GABRR3: variants seen among roughly 807,000 people sequenced by gnomAD.
The protein encoded by GABRR3 is gamma-aminobutyric acid type A receptor subunit rho3.
GABRR3 carries 29 observed loss-of-function variants against 43.2 expected under a neutral mutation model. The observed-to-expected ratio is 0.67, with a 90% confidence interval of 0.50 to 0.92. The LOEUF is 0.92. GABRR3 is among the 40% of genes least tolerant of loss of function. The pLI is 0.00. For synonymous variants in GABRR3, 206 were observed against 195.9 expected, an observed-to-expected ratio of 1.05 and a Z score of -0.43; for missense variants, 576 against 572.3, an observed-to-expected ratio of 1.01 and a Z score of -0.07.
chr3:98,009,594 C>T (rs1366046355), intron 5 of GABRR3, among the ~76,000 whole-genome samples: 2 of 152,210 alleles, frequency 1.3e-5, no homozygotes, highest in Non-Finnish European at 2.9e-5. Context: ...GGCTTGCATA[C>T]TGATGAGAAC....
At chr3:97,988,897 T>C in intron 9 of GABRR3, among the ~76,000 whole-genome samples, 1 of 142,380 alleles carries the variant, frequency 7.0e-6, no homozygotes, top group Non-Finnish European at 1.5e-5. Context: ...TGGTGGATAG[T>C]GGTGGTGGGT....
At chr3:98,008,921 G>T in intron 6 of GABRR3, 35 bp downstream of exon 6, 2 of 1,258,138 alleles carry the variant, frequency 1.6e-6, no homozygotes, top group Non-Finnish European at 2.3e-6. Context: ...GTGTTCAAAT[G>T]ATGTGCACTC....
Position 98,025,564 on chromosome 3 carries a change from C to T in GABRR3, c.238+3G>A. ...AAATGAATTTTGAGAGGATAATACT[C>T]ACCTCCAAATCCAGGTCTCATTGCG... On this transcript the variant is annotated splice_donor_region_variant and intron_variant, in intron 3 of 9. Coordinates refer to ENST00000621172, the Ensembl canonical transcript of GABRR3. 6.3e-7 allele frequency: 1 copy of T among 1,590,006 alleles called. No individual in the cohort carries two copies.
intron 6 of GABRR3, among the ~76,000 whole-genome samples, chr3:98,008,173 C>A (rs1403479780): frequency 6.6e-6 from 1 of 152,166 alleles, no homozygotes; most frequent in Non-Finnish European, 1.5e-5. Flanking sequence ...GATAGCTGCT[C>A]CCATATTTGT....
intron 7 of GABRR3, among the ~76,000 whole-genome samples, chr3:98,005,911 T>TTATCA (rs1706719545): frequency 6.6e-6 from 1 of 152,150 alleles, no homozygotes. Flanking sequence ...TATTTACAAT[T>TTATCA]TATCATATGC....
intron 7 of GABRR3, among the ~76,000 whole-genome samples, chr3:98,003,250 A>T (rs1014604694): frequency 3.9e-5 from 6 of 152,130 alleles, no homozygotes; most frequent in African/African-American, 1.4e-4. Context: ...TGACCTTACA[A>T]CTTTATATAA....
chr3:98,022,898 T>C (rs1274251263), intron 3 of GABRR3, among the ~76,000 whole-genome samples: 1 of 152,166 alleles, frequency 6.6e-6, no homozygotes, highest in Non-Finnish European at 1.5e-5. Context: ...TAAATGTATC[T>C]CTAACAGATC....
intron 7 of GABRR3, among the ~76,000 whole-genome samples, chr3:98,004,232 C>T (rs184523625): frequency 2.4e-4 from 36 of 152,266 alleles, no homozygotes; most frequent in South Asian, 1.2e-3. Flanking sequence ...GTGATGATGA[C>T]AGCTACTAAC....
At chr3:98,018,271 A>G (rs1452697246) in intron 3 of GABRR3, among the ~76,000 whole-genome samples, 2 of 152,152 alleles carry the variant, frequency 1.3e-5, no homozygotes, top group Admixed American at 6.5e-5. Flanking sequence ...TTTTATTGAG[A>G]CTAAAAGTAC....
chr3:98,001,345 G>C (rs1343002168), intron 8 of GABRR3: 3 of 423,730 alleles, frequency 7.1e-6, no homozygotes, highest in African/African-American at 5.9e-5. Context: ...GGCTGTTTAT[G>C]CTTCATAATT....
intron 7 of GABRR3, among the ~76,000 whole-genome samples, chr3:98,005,076 A>C (rs1227485251): frequency 6.6e-6 from 1 of 152,066 alleles, no homozygotes. Flanking sequence ...AACTTCCAAA[A>C]TGCCTCCCTT....
chr3:98,011,482 T>C (rs1706791221), intron 5 of GABRR3, among the ~76,000 whole-genome samples: 2 of 152,210 alleles, frequency 1.3e-5, no homozygotes, highest in South Asian at 4.1e-4. Context: ...TCTTCTTTTG[T>C]ATGCATGAAA....
At chr3:98,017,759 C>T in intron 3 of GABRR3, 37 bp from the exon 4 acceptor site, 5 of 1,365,502 alleles carry the variant, frequency 3.7e-6, no homozygotes, top group Non-Finnish European at 5.2e-6. Flanking sequence ...CTGAGGAATG[C>T]ATTATAATCA....
intron 2 of GABRR3, among the ~76,000 whole-genome samples, chr3:98,027,859 A>G (rs913082589): frequency 4.5e-4 from 69 of 152,294 alleles, no homozygotes; most frequent in African/African-American, 1.6e-3. Flanking sequence ...CTTTAAGTGT[A>G]TCCAGTGAAT....
Position 98,025,583 on chromosome 3 carries a change from C to T in GABRR3, c.222G>A (p.Met74Ile), listed in dbSNP as rs376891091. 5.0e-5 allele frequency: 81 copies of T among 1,609,912 alleles called. 2 individuals are homozygous for T. The South Asian group carries it at 5.7e-4, about 11-fold the overall frequency. Residue 74 changes from methionine to isoleucine, a missense_variant, in exon 3 of 10, where the codon ATG becomes ATA. Met to Ile is a conservative substitution (Grantham distance 10). Coordinates refer to ENST00000621172, the Ensembl canonical transcript of GABRR3. ...AATACTCACCTCCAAATCCAGGTCT[C>T]ATTGCGAAATCGTTGTCCTCTATAT...
intron 4 of GABRR3, among the ~76,000 whole-genome samples, chr3:98,016,369 C>T (rs576192589): frequency 6.6e-6 from 1 of 152,184 alleles, no homozygotes; most frequent in South Asian, 2.1e-4. Context: ...CTAGTACCTC[C>T]CCCACCCCCC....
intron 3 of GABRR3, among the ~76,000 whole-genome samples, chr3:98,019,115 A>AAAAAG (rs1227945247): frequency 6.6e-6 from 1 of 150,704 alleles, no homozygotes; most frequent in Admixed American, 6.6e-5. Flanking sequence ...CTCTCAAAAA[A>AAAAAG]AAAAAGAAAA....
intron 3 of GABRR3, among the ~76,000 whole-genome samples, chr3:98,023,787 A>G (rs1301953422): frequency 1.3e-5 from 2 of 152,188 alleles, no homozygotes; most frequent in Non-Finnish European, 2.9e-5. Flanking sequence ...AAAAAATTAA[A>G]CTCACCATGA....
chr3:98,029,878 G>A (rs1182039117), intron 2 of GABRR3, among the ~76,000 whole-genome samples: 1 of 152,008 alleles, frequency 6.6e-6, no homozygotes, highest in African/African-American at 2.4e-5. Flanking sequence ...CACTTTGGGA[G>A]GCGAAGGCGG....
Sources: gnomAD v4.1 joint callset for allele counts (sites outside exome capture counted in the v4.1 genomes callset) on GRCh38, gnomAD v4.1.1 for gene constraint, MANE v1.5 for transcripts, NCBI Gene and HGNC (gene_info 2026-07-23, HGNC 2026-07-21) for gene names.